The following FER variants were observed in gnomAD, a reference collection of about 807,000 sequenced individuals.
FER encodes the protein tyrosine-protein kinase Fer.
FER carries 63 observed loss-of-function variants against 111.0 expected under a neutral mutation model. That is an observed-to-expected ratio of 0.57 (90% CI 0.46 to 0.70). FER has a LOEUF of 0.70. Ranked by LOEUF, FER falls within the 30% of genes least tolerant of loss-of-function variation. The pLI is 0.00. For synonymous variants in FER, 327 were observed against 313.9 expected (o/e 1.04, Z -0.44); for missense variants, 914 against 954.0 (o/e 0.96, Z 0.55).
intron 17 of FER, among the ~76,000 whole-genome samples, chr5:109,174,097 A>C (rs1001150707): frequency 6.6e-6 from 1 of 152,144 alleles, no homozygotes; most frequent in African/African-American, 2.4e-5. Flanking sequence ...CTTTGGGGCC[A>C]CTTTTAGAAA....
At chr5:108,955,001 A>G in intron 12 of FER, 69 bp downstream of exon 12, 1 of 1,349,522 alleles carries the variant, frequency 7.4e-7, no homozygotes, top group African/African-American at 1.5e-5. Flanking sequence ...TATTAAAATA[A>G]CGAATGGTTT....
intron 16 of FER, among the ~76,000 whole-genome samples, chr5:109,054,483 G>T (rs10061864): frequency 2.6e-5 from 4 of 152,132 alleles, no homozygotes; most frequent in Admixed American, 1.3e-4. Flanking sequence ...TTGTTTTCTT[G>T]TAATTAAGTC....
At chr5:108,935,799 A>G (rs1755381784) in intron 10 of FER, among the ~76,000 whole-genome samples, 1 of 151,954 alleles carries the variant, frequency 6.6e-6, no homozygotes, top group Non-Finnish European at 1.5e-5. Flanking sequence ...TTATGGTCCA[A>G]CTCTGAGTTA....
chr5:109,155,219 T>C (rs988942576), intron 17 of FER, among the ~76,000 whole-genome samples: 1 of 151,920 alleles, frequency 6.6e-6, no homozygotes, highest in Non-Finnish European at 1.5e-5. Flanking sequence ...AAGTAACTGA[T>C]ATGTTACTGC....
At chr5:109,079,009 G>A (rs1776684266) in intron 16 of FER, among the ~76,000 whole-genome samples, 1 of 152,074 alleles carries the variant, frequency 6.6e-6, no homozygotes, top group Non-Finnish European at 1.5e-5. Flanking sequence ...GACCATATTT[G>A]AGATCCTCAG....
intron 1 of FER, among the ~76,000 whole-genome samples, chr5:108,756,164 A>G (rs1751083470): frequency 6.6e-6 from 1 of 150,934 alleles, no homozygotes; most frequent in African/African-American, 2.4e-5. Context: ...CTCAAAAAAA[A>G]AAAAAAAAAT....
intron 13 of FER, among the ~76,000 whole-genome samples, chr5:109,031,540 GTCTA>G (rs1309676900): frequency 6.6e-6 from 1 of 152,072 alleles, no homozygotes; most frequent in Non-Finnish European, 1.5e-5. Context: ...GAGACTTCTG[GTCTA>G]TAAGATTAAG....
chr5:109,194,356 C>G lies in FER; in HGVS notation c.*6781C>G, dbSNP rs149583756. ...TTAAGTTCAAAATAAGTCATTCTAC[C>G]TAGAAATACAGACCCCAGAGCACAT... On this transcript the variant is annotated 3_prime_UTR_variant, in exon 20 of 20. Coordinates refer to ENST00000281092, the MANE Select transcript of FER (RefSeq NM_005246.4). 6.6e-6 allele frequency: 1 copy of G among 152,148 alleles called. No individual in the cohort carries two copies. The highest frequency in any genetic ancestry group is 1.5e-5 in the Non-Finnish European group (1 of 68,024). 9.4% of individuals were successfully genotyped at this position (152,148 alleles called of 1,614,324 possible).
intron 16 of FER, among the ~76,000 whole-genome samples, chr5:109,049,492 C>T (rs1772448065): frequency 1.3e-5 from 2 of 152,136 alleles, no homozygotes; most frequent in Non-Finnish European, 2.9e-5. Context: ...AAAGTCAGCA[C>T]GGGCCTGCTA....
intron 9 of FER, 62 bp downstream of exon 9, chr5:108,883,580 T>C: frequency 2.1e-6 from 3 of 1,418,842 alleles, no homozygotes; most frequent in South Asian, 1.5e-5. Context: ...AAAAATATTT[T>C]AGTTACATGG....
intron 16 of FER, among the ~76,000 whole-genome samples, chr5:109,098,594 AG>A (rs1449185395): frequency 1.3e-5 from 2 of 151,720 alleles, no homozygotes; most frequent in African/African-American, 4.8e-5. Flanking sequence ...TTCAAGTAAT[AG>A]CTTGAACTAA....
At position 108,937,244 on chromosome 5, in the gene FER, C is replaced by CT. The variant is rs1246187700; in HGVS notation, c.1237-8884dup. ...GCTTAGATTGTATTGTGAGTGTGTG[C>CT]TTGGGCCTCTAGATATCTGGCTTGT... On this transcript the variant is annotated intron_variant, in intron 10 of 19. Transcript: ENST00000281092. Among the ~76,000 whole-genome samples, 9 of 151,990 alleles carry CT rather than the reference C, an allele frequency of 5.9e-5. No individual in the cohort carries two copies. The East Asian group carries it at 1.2e-3, about 20-fold the overall frequency.
chr5:109,138,356 C>A (rs1378110586), intron 17 of FER, among the ~76,000 whole-genome samples: 1 of 152,026 alleles, frequency 6.6e-6, no homozygotes, highest in Non-Finnish European at 1.5e-5. Flanking sequence ...TCAAAGGACA[C>A]AAACTTTGAG....
In FER at chr5:108,888,310, G is replaced by A. The variant is rs991949705; in HGVS notation, c.1046+4792G>A. Among the ~76,000 whole-genome samples, 4 of 152,036 alleles carry A rather than the reference G, an allele frequency of 2.6e-5. No individual in the cohort carries two copies. The South Asian group carries it at 8.3e-4, about 31-fold the overall frequency. ...CTACCAGATGCTGTGATTGCAGTGA[G>A]AGGTAAGACACGTATGGTCACGTGG... On this transcript the variant is annotated intron_variant, in intron 9 of 19. Coordinates refer to ENST00000281092, the MANE Select transcript of FER (RefSeq NM_005246.4).
intron 13 of FER, among the ~76,000 whole-genome samples, chr5:109,000,278 C>T (rs1462937017): frequency 6.6e-6 from 1 of 151,260 alleles, no homozygotes; most frequent in Non-Finnish European, 1.5e-5. Flanking sequence ...AAATTATTTG[C>T]CACATATTTA....
At chr5:108,868,125 C>T (rs1227561390) in intron 6 of FER, among the ~76,000 whole-genome samples, 175 bp downstream of exon 6, 1 of 151,872 alleles carries the variant, frequency 6.6e-6, no homozygotes, top group Admixed American at 6.6e-5. Flanking sequence ...TGTGCTTATC[C>T]CCTAAACCTT....
intron 16 of FER, among the ~76,000 whole-genome samples, chr5:109,064,066 T>C (rs969125579): frequency 1.3e-5 from 2 of 152,226 alleles, no homozygotes; most frequent in African/African-American, 4.8e-5. Context: ...TAAATTGATA[T>C]TTCTTTCTGA....
intron 10 of FER, among the ~76,000 whole-genome samples, chr5:108,899,591 G>C (rs1485104590): frequency 6.6e-6 from 1 of 151,778 alleles, no homozygotes; most frequent in Admixed American, 6.6e-5. Flanking sequence ...AAGGTCAGGA[G>C]ATCGAGACCA....
intron 16 of FER, among the ~76,000 whole-genome samples, chr5:109,063,107 ATTG>A (rs147616547): frequency 0.11 from 16,122 of 152,152 alleles, 872 homozygotes; most frequent in Non-Finnish European, 0.13. Flanking sequence ...GATTATTTAT[ATTG>A]TTCTCATAAA....
Sources: allele counts gnomAD v4.1 joint callset (sites outside exome capture counted in the v4.1 genomes callset), GRCh38; gene constraint gnomAD v4.1.1; transcripts MANE v1.5; gene names NCBI Gene and HGNC (gene_info 2026-07-23, HGNC 2026-07-21).